ESRRG: variants seen among roughly 807,000 people sequenced by gnomAD.
ESRRG encodes the protein estrogen-related receptor gamma.
Under a neutral mutation model 44.0 loss-of-function variants are expected in ESRRG, and 13 were observed. The ratio of observed to expected loss-of-function variants is 0.30; its 90% CI spans 0.19 to 0.47. The LOEUF (loss-of-function observed/expected upper bound fraction) is 0.47. Ranked by LOEUF, ESRRG falls within the 20% of genes least tolerant of loss-of-function variation. The pLI, the probability that ESRRG is intolerant of heterozygous loss-of-function variation, is 1.00. For synonymous variants in ESRRG, 215 were observed against 214.6 expected, an observed-to-expected ratio of 1.00 and a Z score of -0.02; for missense variants, 395 against 580.6, an observed-to-expected ratio of 0.68 and a Z score of 3.29.
chr1:217,054,518 T>G (rs1434766127), intron 1 of ESRRG, among the ~76,000 whole-genome samples: 1 of 152,212 alleles, frequency 6.6e-6, no homozygotes, highest in Non-Finnish European at 1.5e-5. Flanking sequence ...TCTTCCTAGA[T>G]GTTAGTCTAA....
intron 1 of ESRRG, among the ~76,000 whole-genome samples, chr1:216,989,106 G>A (rs990905828): frequency 1.3e-5 from 2 of 152,052 alleles, no homozygotes; most frequent in African/African-American, 2.4e-5. Context: ...ATTCTAGAGT[G>A]GGTAATTTTT....
chr1:216,607,675 T>A (rs917614041), intron 3 of ESRRG, among the ~76,000 whole-genome samples: 2 of 152,198 alleles, frequency 1.3e-5, no homozygotes, highest in African/African-American at 4.8e-5. Flanking sequence ...CAGTGGCTAT[T>A]TTTTACTGAG....
At chr1:216,622,368 G>A (rs962168685) in intron 3 of ESRRG, among the ~76,000 whole-genome samples, 1 of 152,110 alleles carries the variant, frequency 6.6e-6, no homozygotes, top group Non-Finnish European at 1.5e-5. Flanking sequence ...CTGATGGCTG[G>A]TGCCTGCCAT....
At chr1:216,904,210 C>CG (rs567114297) in intron 2 of ESRRG, among the ~76,000 whole-genome samples, 6 of 151,708 alleles carry the variant, frequency 4.0e-5, no homozygotes, top group East Asian at 1.9e-4. Flanking sequence ...CATCACCCCC[C>CG]CCAACTGATA....
chr1:216,944,672 C>G (rs2065788538), intron 1 of ESRRG, among the ~76,000 whole-genome samples: 1 of 152,122 alleles, frequency 6.6e-6, no homozygotes, highest in Non-Finnish European at 1.5e-5. Flanking sequence ...GGCAAAGTGA[C>G]TTACAAAGTC....
At chr1:217,117,524 G>A (rs866112090) in intron 1 of ESRRG, among the ~76,000 whole-genome samples, 1 of 152,090 alleles carries the variant, frequency 6.6e-6, no homozygotes, top group African/African-American at 2.4e-5. Flanking sequence ...GTTCCAAGCT[G>A]TAGTGAGCCA....
intron 6 of ESRRG, among the ~76,000 whole-genome samples, chr1:216,511,170 A>T (rs963198070): frequency 6.6e-6 from 1 of 152,132 alleles, no homozygotes; most frequent in African/African-American, 2.4e-5. Context: ...GGTAGTAAGG[A>T]AAGGGTGAAT....
At chr1:216,570,342 C>T (rs2060550670) in intron 3 of ESRRG, among the ~76,000 whole-genome samples, 1 of 152,180 alleles carries the variant, frequency 6.6e-6, no homozygotes, top group Non-Finnish European at 1.5e-5. Context: ...TTCTTTATTG[C>T]TGCTTTTAAA....
upstream of ESRRG, among the ~76,000 whole-genome samples, chr1:217,089,909 G>A (rs190054223): frequency 9.8e-5 from 15 of 152,344 alleles, no homozygotes; most frequent in Middle Eastern, 0.01. Context: ...ATGCCTGTCT[G>A]TTTTCTCAAT....
intron 5 of ESRRG, among the ~76,000 whole-genome samples, chr1:216,542,582 C>CTTATACTTCAATAATATTCAGAAAACT (rs2053226491): frequency 6.6e-6 from 1 of 151,940 alleles, no homozygotes; most frequent in Non-Finnish European, 1.5e-5. Flanking sequence ...TATTTTGTAG[C>CTTATACTTCAATAATATTCAGAAAACT]ATTTGTTACA....
chr1:217,018,891 C>T (rs189344958), intron 1 of ESRRG, among the ~76,000 whole-genome samples: 162 of 152,288 alleles, frequency 1.1e-3, no homozygotes, highest in African/African-American at 3.7e-3. Context: ...TATAATTATG[C>T]ATCTACTCCT....
rs573124168 is a variant in ESRRG at position 217,099,613 on chromosome 1, C to G, written c.-230+38054G>C. 6.6e-5 allele frequency among the ~76,000 whole-genome samples: 10 copies of G among 152,282 alleles called. 1 individual carries two copies. The East Asian group carries it at 1.9e-3, about 29-fold the overall frequency. ...TGAGATATAAAAATTCAGAAGATCT[C>G]TGGTGCAAAAATGGTCATCATTGTC... On this transcript the variant is annotated intron_variant, in intron 1 of 8. Coordinates refer to the ESRRG transcript ENST00000366940.
intron 1 of ESRRG, among the ~76,000 whole-genome samples, chr1:216,943,274 A>C (rs2065540732): frequency 6.6e-6 from 1 of 152,138 alleles, no homozygotes; most frequent in African/African-American, 2.4e-5. Context: ...GTATCCCTTC[A>C]CTCACAAAGT....
chr1:216,809,080 AC>A (rs1016153381), intron 2 of ESRRG, among the ~76,000 whole-genome samples: 1 of 152,046 alleles, frequency 6.6e-6, no homozygotes, highest in African/African-American at 2.4e-5. Context: ...TTTTTGTACT[AC>A]CTCATCAAGT....
chr1:216,993,033 G>C (rs913545415), intron 1 of ESRRG, among the ~76,000 whole-genome samples: 1 of 152,080 alleles, frequency 6.6e-6, no homozygotes, highest in African/African-American at 2.4e-5. Flanking sequence ...ACTAGGTTTA[G>C]CTCTACCAAC....
intron 1 of ESRRG, among the ~76,000 whole-genome samples, chr1:216,685,859 C>T (rs935216812): frequency 7.9e-5 from 12 of 152,202 alleles, no homozygotes; most frequent in African/African-American, 2.9e-4. Context: ...CCAGCTGCTT[C>T]TATAGACATA....
chr1:216,906,665 T>C (rs1167230258), intron 2 of ESRRG, among the ~76,000 whole-genome samples: 3 of 152,186 alleles, frequency 2.0e-5, no homozygotes, highest in Admixed American at 6.5e-5. Flanking sequence ...ACACTAGTGA[T>C]TGACCTGAAT....
At chr1:216,704,365 A>T (rs2082047253) in intron 1 of ESRRG, among the ~76,000 whole-genome samples, 1 of 152,068 alleles carries the variant, frequency 6.6e-6, no homozygotes, top group Non-Finnish European at 1.5e-5. Context: ...AATACAAAAA[A>T]ATTTAGCTAG....
chr1:216,747,353 T>C (rs1473416803), intron 2 of ESRRG, among the ~76,000 whole-genome samples: 1 of 152,144 alleles, frequency 6.6e-6, no homozygotes, highest in Non-Finnish European at 1.5e-5. Context: ...ATGGGAATAA[T>C]GTCAGTGTTC....
Sources: allele counts gnomAD v4.1 joint callset (sites outside exome capture counted in the v4.1 genomes callset), GRCh38; gene constraint gnomAD v4.1.1; transcripts MANE v1.5; gene names NCBI Gene and HGNC (gene_info 2026-07-23, HGNC 2026-07-21).